Variants in C1orf21 observed in about 807,000 individuals in gnomAD.
C1orf21 encodes the protein uncharacterized protein C1orf21.
A neutral mutation model predicts 18.7 loss-of-function variants in C1orf21; 3 were observed. That is an observed-to-expected ratio of 0.16 (90% CI 0.07 to 0.42). C1orf21 has a LOEUF of 0.42. Ranked by LOEUF, C1orf21 falls within the 10% of genes least tolerant of loss-of-function variation. The pLI is 0.99. For missense variants in C1orf21, 104 were observed against 143.6 expected (o/e 0.72, Z 1.41); for synonymous variants, 41 against 46.4 (o/e 0.88, Z 0.47).
At chr1:184,409,120 G>A (rs1331901551) in intron 1 of C1orf21, among the ~76,000 whole-genome samples, 1 of 152,128 alleles carries the variant, frequency 6.6e-6, no homozygotes, top group African/African-American at 2.4e-5. Context: ...TTCAAAGAAA[G>A]CTTCCTTTGG....
intron 4 of C1orf21, among the ~76,000 whole-genome samples, chr1:184,594,321 G>A (rs1330072760): frequency 6.6e-6 from 1 of 152,110 alleles, no homozygotes; most frequent in Non-Finnish European, 1.5e-5. Flanking sequence ...AGGGGAGGAA[G>A]AACTTTACCC....
intron 1 of C1orf21, among the ~76,000 whole-genome samples, chr1:184,394,323 A>G (rs1303072614): frequency 6.6e-6 from 1 of 152,168 alleles, no homozygotes; most frequent in Non-Finnish European, 1.5e-5. Context: ...TCATTGTTAA[A>G]CCACATGTTA....
At chr1:184,579,107 G>A (rs1399214843) in intron 3 of C1orf21, among the ~76,000 whole-genome samples, 5 of 150,112 alleles carry the variant, frequency 3.3e-5, no homozygotes, top group East Asian at 3.9e-4. Context: ...GCTCCATCTC[G>A]GCTCATTGCA....
intron 3 of C1orf21, among the ~76,000 whole-genome samples, chr1:184,533,450 G>T (rs1007151627): frequency 6.6e-6 from 1 of 152,152 alleles, no homozygotes; most frequent in Non-Finnish European, 1.5e-5. Flanking sequence ...ATGAATGACT[G>T]TGATCTTGAA....
intron 5 of C1orf21, among the ~76,000 whole-genome samples, chr1:184,606,754 G>A (rs1430681420): frequency 6.6e-6 from 1 of 152,170 alleles, no homozygotes; most frequent in Non-Finnish European, 1.5e-5. Flanking sequence ...CCAGGGCCAT[G>A]AGAGGCACAT....
chr1:184,481,894 A>G (rs929439480), intron 2 of C1orf21, among the ~76,000 whole-genome samples: 1 of 152,202 alleles, frequency 6.6e-6, no homozygotes, highest in East Asian at 1.9e-4. Flanking sequence ...GATATTACTG[A>G]ATATCACATT....
intron 3 of C1orf21, among the ~76,000 whole-genome samples, chr1:184,540,427 GTTTGT>G (rs1457543446): frequency 6.6e-6 from 1 of 150,850 alleles, no homozygotes; most frequent in Non-Finnish European, 1.5e-5. Context: ...AGTTTTTTTT[GTTTGT>G]TTGTTTTGTT....
intron 3 of C1orf21, among the ~76,000 whole-genome samples, chr1:184,515,348 A>G (rs1658208969): frequency 6.6e-6 from 1 of 152,214 alleles, no homozygotes; most frequent in Admixed American, 6.5e-5. Context: ...AATATTGACT[A>G]CTTGGGAATC....
chr1:184,493,057 C>T (rs764886415), intron 2 of C1orf21, among the ~76,000 whole-genome samples: 1 of 152,136 alleles, frequency 6.6e-6, no homozygotes, highest in Non-Finnish European at 1.5e-5. Context: ...AAGTCAGATT[C>T]TAAAGGATTA....
rs996032972 is a variant in C1orf21, at chr1:184,593,313, G to A, written c.266+2498G>A. On this transcript the variant is annotated intron_variant, in intron 4 of 5. Coordinates refer to ENST00000235307, the MANE Select transcript of C1orf21 (RefSeq NM_030806.4). ...TGTGTGTACACACACATGTGTGTAT[G>A]TATTTCAAACTGTGAACAGAACATT... is the stretch of plus-strand genomic sequence containing the variant. Among the ~76,000 whole-genome samples, 6 of 152,174 alleles carry A rather than the reference G, an allele frequency of 3.9e-5. No homozygotes were observed. The South Asian group carries it at 1.2e-3, about 32-fold the overall frequency.
At chr1:184,604,283 A>C (rs1324402095) in intron 5 of C1orf21, among the ~76,000 whole-genome samples, 1 of 152,188 alleles carries the variant, frequency 6.6e-6, no homozygotes, top group Non-Finnish European at 1.5e-5. Flanking sequence ...TGTCACGTCA[A>C]AACCTAAACA....
chr1:184,517,528 A>G (rs1421315131), intron 3 of C1orf21, among the ~76,000 whole-genome samples: 2 of 145,140 alleles, frequency 1.4e-5, no homozygotes, highest in African/African-American at 2.6e-5. Context: ...TTGAGAATAA[A>G]GTGAAAGAAA....
intron 3 of C1orf21, among the ~76,000 whole-genome samples, chr1:184,559,477 TCCTTCCTTCCTTCCTTCCTTCCTTCCCC>T (rs1553256414): frequency 9.2e-6 from 1 of 108,820 alleles, no homozygotes; most frequent in Non-Finnish European, 1.8e-5. Context: ...CTCCTTTCCC[TCCTTCCTTCCTTCCTTCCTTCCTTCCCC>T]CCTTCCTTCC....
intron 5 of C1orf21, among the ~76,000 whole-genome samples, chr1:184,606,631 C>A (rs377581154): frequency 2.0e-5 from 3 of 151,252 alleles, no homozygotes; most frequent in Non-Finnish European, 2.9e-5. Context: ...GTAACAACAA[C>A]AAAAAAAATT....
Position 184,561,348 on chromosome 1 carries a change from G to A in C1orf21, c.190-29391G>A, listed in dbSNP as rs375790303. On this transcript the variant is annotated intron_variant, in intron 3 of 5. Coordinates refer to ENST00000235307, the MANE Select transcript of C1orf21 (RefSeq NM_030806.4). Reference sequence around the variant, plus strand: ...GCTGAACTTTGCCAAACCACCTTGAGCAGGGATATAGGTATAATCCTGGGC... The same window carrying A: ...GCTGAACTTTGCCAAACCACCTTGAACAGGGATATAGGTATAATCCTGGGC... 3.2e-3 allele frequency among the ~76,000 whole-genome samples: 485 copies of A among 152,242 alleles called. 2 individuals carry two copies. The highest frequency in any genetic ancestry group is 5.6e-3 in the Non-Finnish European group (384 of 68,016).
chr1:184,413,653 G>A (rs1656396782), intron 1 of C1orf21, among the ~76,000 whole-genome samples: 1 of 152,208 alleles, frequency 6.6e-6, no homozygotes, highest in South Asian at 2.1e-4. Flanking sequence ...GCGGCTGGCT[G>A]TCTCACTGTG....
intron 2 of C1orf21, among the ~76,000 whole-genome samples, chr1:184,484,827 A>G (rs1657709563): frequency 6.6e-6 from 1 of 151,920 alleles, no homozygotes; most frequent in Non-Finnish European, 1.5e-5. Flanking sequence ...ATGTGGCTTC[A>G]GTTAAGTTCT....
At chr1:184,566,689 G>A in intron 3 of C1orf21, 1 of 384,494 alleles carries the variant, frequency 2.6e-6, no homozygotes, top group Middle Eastern at 4.1e-4. Context: ...GCCAAGAAGT[G>A]TCAAAAAGGA....
chr1:184,526,404 G>A (rs979133482), intron 3 of C1orf21, among the ~76,000 whole-genome samples: 1 of 152,036 alleles, frequency 6.6e-6, no homozygotes, highest in African/African-American at 2.4e-5. Context: ...AAACCTACAG[G>A]TATTTTTGAA....
Sources: allele counts gnomAD v4.1 joint callset (sites outside exome capture counted in the v4.1 genomes callset), GRCh38; gene constraint gnomAD v4.1.1; transcripts MANE v1.5; gene names NCBI Gene and HGNC (gene_info 2026-07-23, HGNC 2026-07-21).